CAMSAP2: variants seen among roughly 807,000 people sequenced by gnomAD.
CAMSAP2 encodes calmodulin regulated spectrin associated protein family member 2.
CAMSAP2 carries 26 observed loss-of-function variants against 146.1 expected under a neutral mutation model. That is an observed-to-expected ratio of 0.18 (90% CI 0.13 to 0.25). CAMSAP2 has a LOEUF of 0.25. CAMSAP2 is among the 10% of genes least tolerant of loss of function. The pLI is 1.00. For synonymous variants in CAMSAP2, 499 were observed against 596.6 expected, an observed-to-expected ratio of 0.84 and a Z score of 2.38; for missense variants, 1,381 against 1,759.3, an observed-to-expected ratio of 0.78 and a Z score of 3.85.
At chr1:200,800,964 CT>C (rs1362423499) in intron 2 of CAMSAP2, among the ~76,000 whole-genome samples, 2 of 152,086 alleles carry the variant, frequency 1.3e-5, no homozygotes, top group African/African-American at 4.8e-5. Context: ...GATGAAAATT[CT>C]TTTCTTTAAG....
At chr1:200,769,171 C>T (rs1332224205) in intron 2 of CAMSAP2, among the ~76,000 whole-genome samples, 1 of 152,104 alleles carries the variant, frequency 6.6e-6, no homozygotes, top group East Asian at 1.9e-4. Flanking sequence ...TGTTCCCTTC[C>T]CCATCCTTTG....
intron 8 of CAMSAP2, 47 bp from the exon 9 acceptor site, chr1:200,847,163 T>C: frequency 7.2e-7 from 1 of 1,395,678 alleles, no homozygotes; most frequent in East Asian, 2.3e-5. Context: ...CCTAAATTTA[T>C]ATTAAACAGC....
intron 2 of CAMSAP2, among the ~76,000 whole-genome samples, chr1:200,804,969 G>A (rs1469673287): frequency 1.3e-5 from 2 of 152,138 alleles, no homozygotes; most frequent in Non-Finnish European, 2.9e-5. Context: ...TTGCATAATT[G>A]TCTAAACTTC....
rs1666524127 is a variant in CAMSAP2, at chr1:200,816,776, GTGTATATATGTGTGTA to G, written c.645+1133_645+1148del. Among the ~76,000 whole-genome samples the G allele has an allele frequency of 4.3e-5, 5 of 115,968 alleles. 2 individuals carry two copies. Among genetic ancestry groups the G allele is most frequent in the African/African-American group, 6.6e-5 (2 of 30,268 alleles). 76.1% of individuals were successfully genotyped at this position (115,968 alleles called of 152,430 possible). ...TATATATGTGTGTACACACACACGC[GTGTATATATGTGTGTA>G]CACACACACGCGTGTATATATGTGT... On this transcript the variant is annotated intron_variant, in intron 4 of 16. Transcript: ENST00000358823.
At chr1:200,793,883 T>C (rs1381696622) in intron 2 of CAMSAP2, among the ~76,000 whole-genome samples, 1 of 152,204 alleles carries the variant, frequency 6.6e-6, no homozygotes, top group African/African-American at 2.4e-5. Context: ...TTGAAGTGCA[T>C]TCTTTATAAG....
intron 3 of CAMSAP2, among the ~76,000 whole-genome samples, chr1:200,810,724 A>G (rs1236031293): frequency 1.3e-5 from 2 of 149,614 alleles, no homozygotes; most frequent in Non-Finnish European, 3.0e-5. Flanking sequence ...CCCTGTCTCT[A>G]CTAAAAATAC....
intron 4 of CAMSAP2, among the ~76,000 whole-genome samples, chr1:200,822,702 A>G (rs1014179281): frequency 1.3e-5 from 2 of 152,074 alleles, no homozygotes; most frequent in African/African-American, 4.8e-5. Flanking sequence ...CCCCCAGTGC[A>G]TACCTGAAAC....
intron 4 of CAMSAP2, among the ~76,000 whole-genome samples, chr1:200,817,179 C>CACACACATATAAGTGTGTGTGTATAT (rs1666599221): frequency 4.6e-4 from 28 of 61,086 alleles, no homozygotes; most frequent in Admixed American, 3.4e-3. Context: ...TGTGTATATA[C>CACACACATATAAGTGTGTGTGTATAT]ACACACACAC....
At chr1:200,744,608 A>G (rs750226470) in intron 1 of CAMSAP2, among the ~76,000 whole-genome samples, 2 of 152,250 alleles carry the variant, frequency 1.3e-5, no homozygotes, top group African/African-American at 4.8e-5. Flanking sequence ...GCTAAGAGTC[A>G]TATAATTGGA....
chr1:200,853,436 C>A lies in CAMSAP2; in HGVS notation c.3764C>A (p.Pro1255Gln), dbSNP rs1312886064. The A allele has an allele frequency of 6.2e-7, 1 of 1,613,804 alleles. No homozygotes were observed. The highest frequency in any genetic ancestry group is 2.2e-5 in the East Asian group (1 of 44,810). ...PQVVKQKKQRPKSIHRDHIES... is the reference protein window; with the variant it reads ...PQVVKQKKQRQKSIHRDHIES... ...GTAGTAAAACAAAAAAAACAGCGAC[C>A]AAAATCTATTCACAGAGATCATATT... The change falls in exon 13 of 17, where the codon CCA (proline) becomes CAA (glutamine). Residue 1255 changes from proline (P) to glutamine (Q), a missense_variant. Physicochemically the swap from Pro to Gln is moderately conservative, Grantham distance 76 (BLOSUM62 -1). Transcript: ENST00000358823. This position sits in a 1 kb window ranked among gnomAD's most constrained non-coding sequence, Gnocchi z 5.1.
At chr1:200,794,965 CTAT>C (rs1016936731) in intron 2 of CAMSAP2, among the ~76,000 whole-genome samples, 1 of 152,132 alleles carries the variant, frequency 6.6e-6, no homozygotes, top group Non-Finnish European at 1.5e-5. Context: ...ATGCCTTGTA[CTAT>C]TATTGTCACT....
In CAMSAP2 at chr1:200,853,153, A is replaced by G; in HGVS notation, c.3603-122A>G. On this transcript the variant is annotated intron_variant, in intron 12 of 16. Transcript: ENST00000358823. The surrounding 1 kb of genome is among the most constrained non-coding windows in gnomAD (Gnocchi z 5.1). ...AGAATCGTCAAGTACCTTTTAAATG[A>G]ACCATTTATTCACCAAGGTGATGAA... is the stretch of plus-strand genomic sequence containing the variant. 1.2e-6 allele frequency: 1 copy of G among 841,348 alleles called. No homozygotes were observed. The highest frequency in any genetic ancestry group is 1.8e-5 in the South Asian group (1 of 56,904). The allele number at this position is 841,348 out of a possible 1,614,324, so 52.1% of individuals were successfully genotyped here.
chr1:200,831,742 G>A (rs1451536032), intron 4 of CAMSAP2, among the ~76,000 whole-genome samples: 2 of 150,812 alleles, frequency 1.3e-5, no homozygotes, highest in African/African-American at 4.9e-5. Flanking sequence ...TTTCTTTTAA[G>A]AATAGTATAT....
At chr1:200,843,205 C>A (rs556029149) in intron 7 of CAMSAP2, among the ~76,000 whole-genome samples, 2 of 151,968 alleles carry the variant, frequency 1.3e-5, no homozygotes, top group South Asian at 2.1e-4. Context: ...TAACTGCTAC[C>A]GTTACCTGCA....
chr1:200,847,842 G>T, intron 10 of CAMSAP2, 133 bp downstream of exon 10: 1 of 898,506 alleles, frequency 1.1e-6, no homozygotes, highest in South Asian at 1.7e-5. Context: ...GGCAGTATAG[G>T]CAGATGATAG....
intron 8 of CAMSAP2, among the ~76,000 whole-genome samples, chr1:200,845,306 A>G (rs1571825192): frequency 6.6e-6 from 1 of 151,180 alleles, no homozygotes; most frequent in East Asian, 1.9e-4. Flanking sequence ...AGTGTTACCC[A>G]CACAACGGGT....
chr1:200,806,743 TTGTGTG>T (rs138066870), intron 2 of CAMSAP2, among the ~76,000 whole-genome samples: 203 of 145,120 alleles, frequency 1.4e-3, no homozygotes, highest in African/African-American at 5.0e-3. Context: ...TTCCATATAA[TTGTGTG>T]TGTGTGTGTG....
At chr1:200,771,168 GA>G (rs1385853169) in intron 2 of CAMSAP2, among the ~76,000 whole-genome samples, 5 of 152,124 alleles carry the variant, frequency 3.3e-5, no homozygotes, top group Admixed American at 1.3e-4. Flanking sequence ...ATAGAAGGGA[GA>G]AAAGGGGATT....
intron 2 of CAMSAP2, among the ~76,000 whole-genome samples, chr1:200,776,439 A>G (rs1157042713): frequency 6.6e-6 from 1 of 152,228 alleles, no homozygotes; most frequent in East Asian, 1.9e-4. Flanking sequence ...TTTTCCTACG[A>G]CAACCAAACA....
Sources: gnomAD v4.1 joint callset for allele counts (sites outside exome capture counted in the v4.1 genomes callset) on GRCh38, gnomAD v4.1.1 for gene constraint, Gnocchi (gnomAD v3.1) non-coding constraint, MANE v1.5 for transcripts, NCBI Gene and HGNC (gene_info 2026-07-23, HGNC 2026-07-21) for gene names.